Variants in MAST2 observed in about 807,000 individuals in gnomAD.
MAST2 encodes the protein microtubule-associated serine/threonine-protein kinase 2.
MAST2 carries 70 observed loss-of-function variants against 147.4 expected under a neutral mutation model. That is an observed-to-expected ratio of 0.47 (90% CI 0.39 to 0.58). MAST2 has a LOEUF of 0.58. MAST2 is among the 20% of genes least tolerant of loss of function. MAST2 has a pLI of 0.00. For missense variants in MAST2, 2,080 were observed against 2,302.3 expected (o/e 0.90, Z 1.98); for synonymous variants, 869 against 896.8 (o/e 0.97, Z 0.55).
At chr1:45,883,046 T>A (rs556693632) in intron 4 of MAST2, among the ~76,000 whole-genome samples, 1 of 152,288 alleles carries the variant, frequency 6.6e-6, no homozygotes, top group Admixed American at 6.5e-5. Flanking sequence ...ACTTAATGCA[T>A]TAAAATCTCT....
At chr1:45,819,795 C>T (rs1336859777) in intron 1 of MAST2, among the ~76,000 whole-genome samples, 1 of 152,060 alleles carries the variant, frequency 6.6e-6, no homozygotes, top group Non-Finnish European at 1.5e-5. Context: ...TCAATACAAT[C>T]CATATTCAAA....
At chr1:45,856,148 G>A (rs2148026372) in intron 3 of MAST2, among the ~76,000 whole-genome samples, 1 of 152,268 alleles carries the variant, frequency 6.6e-6, no homozygotes, top group African/African-American at 2.4e-5. Context: ...ACAGGGCTTG[G>A]TACACAGCAA....
intron 1 of MAST2, among the ~76,000 whole-genome samples, chr1:45,812,145 G>T (rs1443157021): frequency 6.6e-6 from 1 of 152,204 alleles, no homozygotes; most frequent in Non-Finnish European, 1.5e-5. Flanking sequence ...TGCAGGACAT[G>T]CTGTTTGAGA....
intron 3 of MAST2, among the ~76,000 whole-genome samples, chr1:45,863,741 A>G (rs1646055516): frequency 6.6e-6 from 1 of 152,230 alleles, no homozygotes; most frequent in Non-Finnish European, 1.5e-5. Flanking sequence ...CTTAGGTAGT[A>G]TAACTGGCTG....
chr1:45,971,494 A>G (rs1395491418), intron 5 of MAST2, among the ~76,000 whole-genome samples: 3 of 152,230 alleles, frequency 2.0e-5, no homozygotes, highest in Non-Finnish European at 2.9e-5. Flanking sequence ...TGATTGGGGC[A>G]GAGCAACCCA....
intron 4 of MAST2, among the ~76,000 whole-genome samples, chr1:45,944,096 C>G (rs1657704244): frequency 6.6e-6 from 1 of 152,182 alleles, no homozygotes; most frequent in East Asian, 1.9e-4. Context: ...TTTCTAGCGA[C>G]AGTCTTCTTT....
At chr1:45,995,014 T>A (rs1645000427) in intron 5 of MAST2, among the ~76,000 whole-genome samples, 1 of 151,986 alleles carries the variant, frequency 6.6e-6, no homozygotes, top group African/African-American at 2.4e-5. Flanking sequence ...AATTTTTTTG[T>A]ATTTTTTAGT....
intron 5 of MAST2, among the ~76,000 whole-genome samples, chr1:45,984,934 TAAA>T (rs1484057127): frequency 6.6e-6 from 1 of 152,192 alleles, no homozygotes; most frequent in African/African-American, 2.4e-5. Flanking sequence ...AATGAAAAGG[TAAA>T]AAATTTTGTA....
chr1:46,016,056 C>G (rs1217527360), intron 10 of MAST2, among the ~76,000 whole-genome samples: 3 of 152,052 alleles, frequency 2.0e-5, no homozygotes, highest in East Asian at 1.9e-4. Flanking sequence ...AGCATATAAA[C>G]AGAACCAAAG....
rs151182502 is a variant in MAST2 at position 45,971,758 on chromosome 1, A to G, written c.592+12281A>G. Reference sequence around the variant, plus strand: ...TTTAGATTGTTTATACTTTTCCACTATTATAGTCATCAATGCTACAGAAAC... The same window carrying G: ...TTTAGATTGTTTATACTTTTCCACTGTTATAGTCATCAATGCTACAGAAAC... On this transcript the variant is annotated intron_variant, in intron 5 of 28. Coordinates refer to ENST00000361297, the MANE Select transcript of MAST2 (RefSeq NM_015112.3). Among the ~76,000 whole-genome samples the G allele has an allele frequency of 3.3e-5, 5 of 152,332 alleles. No homozygotes were observed. The East Asian group carries it at 7.7e-4, about 23-fold the overall frequency.
intron 17 of MAST2, 104 bp downstream of exon 17, chr1:46,027,967 G>A (rs1056119679): frequency 2.3e-5 from 34 of 1,446,922 alleles, no homozygotes; most frequent in Non-Finnish European, 1.9e-6. Context: ...TGAGGCAGGA[G>A]GATCGCTTGA....
chr1:45,993,309 G>A (rs192564377), intron 5 of MAST2, among the ~76,000 whole-genome samples: 86 of 152,128 alleles, frequency 5.7e-4, no homozygotes, highest in Non-Finnish European at 1.0e-3. Flanking sequence ...ACATTTTTTT[G>A]TAGTGTGGTT....
chr1:46,032,202 C>T lies in MAST2; in HGVS notation c.3212C>T (p.Ala1071Val). 9 of 1,614,186 alleles carry T rather than the reference C, an allele frequency of 5.6e-6. No homozygotes were observed. The highest frequency in any genetic ancestry group is 7.6e-6 in the Non-Finnish European group (9 of 1,180,030). ...PSEHHTCSPL[A>V]SPMSPHSQSS... Reference sequence around the variant, plus strand: ...GAACACCACACCTGCTCCCCGTTGGCCAGCCCCATGTCCCCACATTCTCAG... The same window carrying T: ...GAACACCACACCTGCTCCCCGTTGGTCAGCCCCATGTCCCCACATTCTCAG... Residue 1071 changes from alanine (A) to valine (V), a missense_variant, in exon 25 of 29, where the codon GCC (alanine) becomes GTC (valine). This residue lies in a region of MAST2 where 1,278 missense variants were observed against 1,304.2 expected (regional missense o/e 0.98). Coordinates refer to ENST00000361297, the MANE Select transcript of MAST2 (RefSeq NM_015112.3).
At chr1:46,034,001 GCC>G in intron 27 of MAST2, 63 bp downstream of exon 27, 1 of 1,607,098 alleles carries the variant, frequency 6.2e-7, no homozygotes, top group Admixed American at 1.7e-5. Context: ...CGTGGTGGGT[GCC>G]TTGGCCCTGG....
chr1:45,824,889 C>T (rs1454372267), intron 2 of MAST2, among the ~76,000 whole-genome samples: 2 of 152,180 alleles, frequency 1.3e-5, no homozygotes, highest in Non-Finnish European at 2.9e-5. Context: ...TTTTTTCCTT[C>T]ATTCTCAAAA....
intron 3 of MAST2, chr1:45,865,015 A>T: frequency 2.3e-6 from 1 of 437,918 alleles, no homozygotes. Flanking sequence ...GTGTGCTGAA[A>T]GGATTGTTTG....
At chr1:45,847,676 G>A in intron 3 of MAST2, 1 of 371,372 alleles carries the variant, frequency 2.7e-6, no homozygotes, top group Non-Finnish European at 5.2e-6. Context: ...AACCACAAGA[G>A]CAGCAGCTCA....
At chr1:45,903,190 C>T (rs551450365) in intron 4 of MAST2, among the ~76,000 whole-genome samples, 12 of 119,474 alleles carry the variant, frequency 1.0e-4, no homozygotes, top group African/African-American at 3.0e-4. Flanking sequence ...GATGCAGTGG[C>T]GTGATCTCGG....
chr1:45,996,549 T>C (rs1278825369), intron 5 of MAST2, among the ~76,000 whole-genome samples: 1 of 151,934 alleles, frequency 6.6e-6, no homozygotes, highest in East Asian at 1.9e-4. Context: ...GTTCATGCAA[T>C]GTTGAGAGCA....
Sources: gnomAD v4.1 joint callset for allele counts (sites outside exome capture counted in the v4.1 genomes callset) on GRCh38, gnomAD v4.1.1 for gene constraint, gnomAD v4.1.1 regional missense constraint, MANE v1.5 for transcripts, NCBI Gene and HGNC (gene_info 2026-07-23, HGNC 2026-07-21) for gene names.